ERC1: variants seen among roughly 807,000 people sequenced by gnomAD.
ERC1 encodes the protein ELKS/RAB6-interacting/CAST family member 1.
In ERC1, 56 loss-of-function variants were observed where a neutral mutation model predicts 132.0. The observed-to-expected ratio is 0.42, with a 90% confidence interval of 0.34 to 0.53. The LOEUF (loss-of-function observed/expected upper bound fraction) is 0.53, where lower values mean the gene tolerates loss of function less well. ERC1 is among the 20% of genes least tolerant of loss of function. The pLI is 0.03. For synonymous variants in ERC1, 478 were observed against 476.1 expected, an observed-to-expected ratio of 1.00 and a Z score of -0.05; for missense variants, 1,202 against 1,349.9, an observed-to-expected ratio of 0.89 and a Z score of 1.72.
At chr12:1,097,806 C>G (rs997588465) in intron 3 of ERC1, among the ~76,000 whole-genome samples, 1 of 151,824 alleles carries the variant, frequency 6.6e-6, no homozygotes, top group Non-Finnish European at 1.5e-5. Flanking sequence ...CCTCTGCCCC[C>G]CAGGTTCAAG....
At chr12:1,401,683 T>A (rs945105169) in intron 16 of ERC1, among the ~76,000 whole-genome samples, 1 of 151,664 alleles carries the variant, frequency 6.6e-6, no homozygotes, top group Non-Finnish European at 1.5e-5. Flanking sequence ...CTCAGAATAC[T>A]TGGCACTTAG....
At chr12:1,476,146 C>T (rs1393628146) in intron 18 of ERC1, among the ~76,000 whole-genome samples, 1 of 151,882 alleles carries the variant, frequency 6.6e-6, no homozygotes, top group East Asian at 1.9e-4. Flanking sequence ...GTCCCAGCTA[C>T]TCAGGAGGCT....
At chr12:1,382,168 C>A (rs140835005) in intron 16 of ERC1, among the ~76,000 whole-genome samples, 27 of 152,322 alleles carry the variant, frequency 1.8e-4, no homozygotes, top group African/African-American at 6.3e-4. Flanking sequence ...AGTATATAAT[C>A]TTGAACGTAA....
chr12:1,311,361 T>C (rs1186683376), intron 15 of ERC1, among the ~76,000 whole-genome samples: 1 of 142,790 alleles, frequency 7.0e-6, no homozygotes, highest in Non-Finnish European at 1.6e-5. Flanking sequence ...CAAACTTCAG[T>C]AGTGTTAGAG....
chr12:1,397,687 C>T (rs969752108), intron 16 of ERC1, among the ~76,000 whole-genome samples: 1 of 152,070 alleles, frequency 6.6e-6, no homozygotes, highest in African/African-American at 2.4e-5. Context: ...AAAAAAGTTA[C>T]CTCTAAAAAG....
chr12:1,026,903 A>G (rs918840783), intron 1 of ERC1, among the ~76,000 whole-genome samples: 1 of 152,224 alleles, frequency 6.6e-6, no homozygotes, highest in African/African-American at 2.4e-5. Flanking sequence ...AAATCCTTCA[A>G]CACCTGTGAA....
chr12:1,110,282 G>A lies in ERC1; in HGVS notation c.1252G>A (p.Glu418Lys). Reference protein sequence around the residue: ...LKSNGALSTEEREEEMKQMEV... With the variant: ...LKSNGALSTEKREEEMKQMEV... ...ATCGAATGGTGCTTTGAGTACTGAGGAAAGGGAAGAAGAAATGAAGCAAAT... is the reference window on the plus strand; with the variant it reads ...ATCGAATGGTGCTTTGAGTACTGAGAAAAGGGAAGAAGAAATGAAGCAAAT... The change falls in exon 5 of 19, where the codon GAA becomes AAA. Residue 418 changes from glutamate to lysine, a missense_variant. By Grantham distance (56) the Glu-to-Lys change is moderately conservative. Transcript: ENST00000360905. 6.2e-7 allele frequency: 1 copy of A among 1,613,640 alleles called. No individual in the cohort carries two copies. Among genetic ancestry groups the A allele is most frequent in the Admixed American group, 1.7e-5 (1 of 59,968 alleles).
intron 12 of ERC1, among the ~76,000 whole-genome samples, chr12:1,213,808 G>T (rs1463112586): frequency 6.6e-6 from 1 of 151,766 alleles, no homozygotes; most frequent in Non-Finnish European, 1.5e-5. Context: ...GGAGGCAGAG[G>T]CACAAGAGTC....
intron 12 of ERC1, among the ~76,000 whole-genome samples, chr12:1,217,289 G>A (rs751825941): frequency 3.3e-5 from 5 of 152,156 alleles, no homozygotes; most frequent in Non-Finnish European, 7.3e-5. Context: ...TCATAGCATT[G>A]TGTCATATCC....
chr12:1,308,163 C>T (rs1373467620), intron 15 of ERC1, among the ~76,000 whole-genome samples: 2 of 152,132 alleles, frequency 1.3e-5, no homozygotes, highest in Non-Finnish European at 2.9e-5. Flanking sequence ...GCCAAACAGT[C>T]ATGTGTTCAT....
At chr12:1,339,217 C>T (rs1345687242) in intron 15 of ERC1, among the ~76,000 whole-genome samples, 2 of 145,658 alleles carry the variant, frequency 1.4e-5, no homozygotes, top group African/African-American at 5.1e-5. Context: ...ACTGCAGTGG[C>T]AGAGGCAGCT....
chr12:1,492,282 A>G lies in ERC1; in HGVS notation c.*2052A>G. ...GTGGTCAGTTACCTCAATTCTGTTC[A>G]TTGCAGTGCCCGTAAACCATGTAGA... On this transcript the variant is annotated 3_prime_UTR_variant, in exon 19 of 19. Coordinates refer to ENST00000360905, the MANE Select transcript of ERC1 (RefSeq NM_178040.4). 4.3e-6 allele frequency: 1 copy of G among 233,312 alleles called. No homozygotes were observed. 14.5% of individuals were successfully genotyped at this position (233,312 alleles called of 1,614,324 possible). A position where few individuals can be genotyped will look rare whatever the true frequency, so the allele number is the denominator to read the frequency against.
intron 1 of ERC1, chr12:1,020,667 C>T (rs542991020): frequency 3.9e-5 from 6 of 152,290 alleles, no homozygotes; most frequent in East Asian, 3.9e-4. Context: ...ATGTGACTCT[C>T]TTCACAGGGT....
rs1016832206 is a variant in ERC1, at chr12:1,120,811, T to G, written c.1569+4778T>G. ...TAGTAAGAGGAAGTGGTTCTTTTTTTCGGAGGTGCTCAGGAGATCAGCATC... is the reference window on the plus strand; with the variant it reads ...TAGTAAGAGGAAGTGGTTCTTTTTTGCGGAGGTGCTCAGGAGATCAGCATC... On this transcript the variant is annotated intron_variant, in intron 7 of 18. Coordinates refer to ENST00000360905, the MANE Select transcript of ERC1 (RefSeq NM_178040.4). Among the ~76,000 whole-genome samples, 15 of 152,218 alleles carry G rather than the reference T, an allele frequency of 9.9e-5. No individual in the cohort carries two copies. In the South Asian group the frequency reaches 1.2e-3, roughly 13 times the overall value.
rs10627402 is a variant in ERC1 at position 1,005,961 on chromosome 12, C to CTT, written c.-157+14652_-157+14653dup. ...ACAGTTTATATTAAAATTCTTATTA[C>CTT]TTTTTTTTTTTTTTGAGACAGAGTC... On this transcript the variant is annotated intron_variant, in intron 1 of 18. Coordinates refer to ENST00000360905, the MANE Select transcript of ERC1 (RefSeq NM_178040.4). Among the ~76,000 whole-genome samples the CTT allele has an allele frequency of 3.0e-3, 427 of 142,336 alleles. 5 individuals are homozygous for CTT. Among genetic ancestry groups the CTT allele is most frequent in the African/African-American group, 0.01 (400 of 38,792 alleles). The allele number at this position is 142,336 out of a possible 152,430, so 93.4% of individuals were successfully genotyped here.
chr12:1,164,421 C>T (rs905475131), intron 8 of ERC1, among the ~76,000 whole-genome samples: 1 of 152,132 alleles, frequency 6.6e-6, no homozygotes, highest in African/African-American at 2.4e-5. Flanking sequence ...CAGCTCACTG[C>T]AAGCTCTGCC....
At chr12:1,026,507 A>G (rs577701580) in intron 1 of ERC1, among the ~76,000 whole-genome samples, 33 of 152,324 alleles carry the variant, frequency 2.2e-4, no homozygotes, top group South Asian at 4.1e-4. Flanking sequence ...CAAGGCTACA[A>G]TACTTTGTAA....
intron 1 of ERC1, among the ~76,000 whole-genome samples, chr12:996,095 G>GT (rs71441637): frequency 0.13 from 18,892 of 142,678 alleles, 1,967 homozygotes; most frequent in African/African-American, 0.29. Flanking sequence ...TGTTTTTTTT[G>GT]TTTTTTTTTT....
At position 1,493,835 on chromosome 12, in the gene ERC1, G is replaced by A. The variant is rs556806141; in HGVS notation, c.*3605G>A. ...ACCCACCCCCAGAGTGAGAGAAGAG[G>A]AAGGCGAAGTCATCACAGACACGGT... On this transcript the variant is annotated 3_prime_UTR_variant, in exon 19 of 19. Transcript: ENST00000360905. 2 of 226,414 alleles carry A rather than the reference G, an allele frequency of 8.8e-6. No individual in the cohort carries two copies. The highest frequency in any genetic ancestry group is 8.8e-6 in the Non-Finnish European group (1 of 113,922). The allele number at this position is 226,414 out of a possible 1,614,324, so 14.0% of individuals were successfully genotyped here.
Sources: allele counts gnomAD v4.1 joint callset (sites outside exome capture counted in the v4.1 genomes callset), GRCh38; gene constraint gnomAD v4.1.1; transcripts MANE v1.5; gene names NCBI Gene and HGNC (gene_info 2026-07-23, HGNC 2026-07-21).